Variants in EXT1 observed in about 807,000 individuals in gnomAD.
EXT1 encodes the protein exostosin-1.
Under a neutral mutation model 82.5 loss-of-function variants are expected in EXT1, and 20 were observed. That is an observed-to-expected ratio of 0.24 (90% confidence interval 0.17 to 0.35). The LOEUF is 0.35. EXT1 is among the 10% of genes least tolerant of loss of function. The pLI is 1.00. For synonymous variants in EXT1, 348 were observed against 350.8 expected (o/e 0.99, Z 0.09); for missense variants, 757 against 936.5 (o/e 0.81, Z 2.50).
intron 1 of EXT1, among the ~76,000 whole-genome samples, chr8:117,971,090 G>A (rs1005020201): frequency 2.0e-5 from 3 of 152,166 alleles, no homozygotes; most frequent in Non-Finnish European, 4.4e-5. Context: ...GACACCAGGT[G>A]TGCACATAGC....
At chr8:117,845,556 TA>T (rs11284096) in intron 1 of EXT1, among the ~76,000 whole-genome samples, 72,594 of 141,422 alleles carry the variant, frequency 0.51, 17,600 homozygotes, top group African/African-American at 0.57. Flanking sequence ...TAAAAGTAAG[TA>T]AAAAAAAAAA....
chr8:117,933,580 T>G (rs1370722993), intron 1 of EXT1, among the ~76,000 whole-genome samples: 1 of 152,170 alleles, frequency 6.6e-6, no homozygotes, highest in Non-Finnish European at 1.5e-5. Context: ...GGCAGAGATT[T>G]GATTGGCAAG....
intron 4 of EXT1, among the ~76,000 whole-genome samples, chr8:117,828,616 A>C (rs895867850): frequency 1.1e-4 from 16 of 152,214 alleles, no homozygotes; most frequent in African/African-American, 3.9e-4. Context: ...AGGATTAAAA[A>C]AGCAAAGGGT....
intron 1 of EXT1, among the ~76,000 whole-genome samples, chr8:118,031,386 GT>G (rs1301174137): frequency 6.6e-6 from 1 of 151,958 alleles, no homozygotes; most frequent in Non-Finnish European, 1.5e-5. Flanking sequence ...TTAGCCAGGC[GT>G]GGTGGCCCGC....
chr8:117,995,469 A>G (rs1395671147), intron 1 of EXT1, among the ~76,000 whole-genome samples: 1 of 152,122 alleles, frequency 6.6e-6, no homozygotes, highest in Non-Finnish European at 1.5e-5. Flanking sequence ...CTGGTTTTCA[A>G]TATGCATGGC....
intron 1 of EXT1, among the ~76,000 whole-genome samples, chr8:117,940,710 G>A (rs1325433660): frequency 6.6e-6 from 1 of 152,186 alleles, no homozygotes; most frequent in African/African-American, 2.4e-5. Flanking sequence ...AGTTCAGAAT[G>A]AGAATTTCTG....
intron 1 of EXT1, among the ~76,000 whole-genome samples, chr8:118,097,782 A>G (rs1311292289): frequency 6.6e-6 from 1 of 152,218 alleles, no homozygotes; most frequent in African/African-American, 2.4e-5. Flanking sequence ...TGAGTAAATC[A>G]ATGAAAAACC....
At chr8:117,988,049 T>C (rs766904821) in intron 1 of EXT1, among the ~76,000 whole-genome samples, 1 of 152,162 alleles carries the variant, frequency 6.6e-6, no homozygotes, top group Non-Finnish European at 1.5e-5. Flanking sequence ...AATGGTGCCA[T>C]TGCACTCCAG....
At chr8:117,965,990 A>ATG (rs1491110659) in intron 1 of EXT1, among the ~76,000 whole-genome samples, 2 of 125,654 alleles carry the variant, frequency 1.6e-5, no homozygotes, top group African/African-American at 4.4e-5. Context: ...ACATACATGC[A>ATG]TATACACACA....
At chr8:118,019,246 T>TGAAAGAAAGAAAGAAAGAAA (rs58914414) in intron 1 of EXT1, among the ~76,000 whole-genome samples, 5,145 of 145,630 alleles carry the variant, frequency 0.035, 109 homozygotes, top group East Asian at 0.061. Context: ...GCAGTACGAT[T>TGAAAGAAAGAAAGAAAGAAA]GAAAGAAAGA....
intron 9 of EXT1, among the ~76,000 whole-genome samples, chr8:117,805,358 C>T (rs1425753535): frequency 6.6e-6 from 1 of 152,118 alleles, no homozygotes; most frequent in Non-Finnish European, 1.5e-5. Flanking sequence ...AATATTATCC[C>T]TTGACTCTGA....
At chr8:118,014,102 T>C (rs1385312512) in intron 1 of EXT1, among the ~76,000 whole-genome samples, 1 of 152,192 alleles carries the variant, frequency 6.6e-6, no homozygotes, top group Non-Finnish European at 1.5e-5. Flanking sequence ...ATGGCGATAA[T>C]AATTACTAAT....
chr8:118,008,365 T>C (rs896532562), intron 1 of EXT1, among the ~76,000 whole-genome samples: 1 of 152,176 alleles, frequency 6.6e-6, no homozygotes, highest in Non-Finnish European at 1.5e-5. Context: ...GTTCAAGCGA[T>C]TCTCCTGCCT....
intron 1 of EXT1, among the ~76,000 whole-genome samples, chr8:117,977,316 C>A (rs753417041): frequency 6.7e-6 from 1 of 149,428 alleles, no homozygotes; most frequent in Non-Finnish European, 1.5e-5. Context: ...GAACCCAGGA[C>A]GCGGAGGCTA....
At chr8:118,081,678 G>A (rs1445768078) in intron 1 of EXT1, among the ~76,000 whole-genome samples, 1 of 152,182 alleles carries the variant, frequency 6.6e-6, no homozygotes, top group African/African-American at 2.4e-5. Flanking sequence ...GAGGAGATGG[G>A]GAAAAGGGGA....
At chr8:117,835,592 C>T in intron 2 of EXT1, 41 bp from the exon 3 acceptor site, 1 of 1,430,734 alleles carries the variant, frequency 7.0e-7, no homozygotes, top group Non-Finnish European at 9.9e-7. Context: ...AGGAAAGCGA[C>T]AGCAGAAGCT....
chr8:117,820,625 T>C (rs955868431), intron 5 of EXT1, among the ~76,000 whole-genome samples: 4 of 151,896 alleles, frequency 2.6e-5, no homozygotes, highest in Non-Finnish European at 5.9e-5. Flanking sequence ...AAGACAGAGG[T>C]TGCAGTGAGC....
intron 1 of EXT1, among the ~76,000 whole-genome samples, chr8:117,885,745 T>C (rs1008991993): frequency 2.0e-5 from 3 of 152,252 alleles, no homozygotes; most frequent in African/African-American, 7.2e-5. Context: ...TGAGGAAATT[T>C]AGAGCTTCTC....
At chr8:117,845,908 A>G (rs192268574) in intron 1 of EXT1, among the ~76,000 whole-genome samples, 1 of 152,318 alleles carries the variant, frequency 6.6e-6, no homozygotes, top group East Asian at 1.9e-4. Context: ...ATGATGAAGT[A>G]AAGTGTCACA....
Sources: allele counts gnomAD v4.1 joint callset (sites outside exome capture counted in the v4.1 genomes callset), GRCh38; gene constraint gnomAD v4.1.1; transcripts MANE v1.5; gene names NCBI Gene and HGNC (gene_info 2026-07-23, HGNC 2026-07-21).